Variants in CNGB1 observed in about 807,000 individuals in gnomAD.
CNGB1 encodes the protein cyclic nucleotide-gated channel beta-1.
CNGB1 carries 126 observed loss-of-function variants against 151.7 expected under a neutral mutation model. That is an observed-to-expected ratio of 0.83 (90% confidence interval 0.72 to 0.96). CNGB1 has a LOEUF of 0.96. Among genes scored for constraint, CNGB1 ranks in the 40% least tolerant of loss-of-function variants. The pLI is 0.00. For missense variants in CNGB1, 1,698 were observed against 1,627.0 expected (o/e 1.04, Z -0.75); for synonymous variants, 623 against 635.1 (o/e 0.98, Z 0.29).
intron 4 of CNGB1, 72 bp downstream of exon 4, chr16:57,964,058 C>A: frequency 6.8e-7 from 1 of 1,462,176 alleles, no homozygotes; most frequent in Non-Finnish European, 9.5e-7. Context: ...ACCCCCATCC[C>A]CAGGGCTCCC....
chr16:57,967,328 G>A (rs977848916), intron 1 of CNGB1, 34 bp from the exon 2 acceptor site: 5 of 1,610,662 alleles, frequency 3.1e-6, no homozygotes, highest in Non-Finnish European at 4.2e-6. Context: ...CCTCCCTGGA[G>A]CACTCACAGT....
At position 57,915,267 on chromosome 16, in the gene CNGB1, G is replaced by T; in HGVS notation, c.2286C>A (p.Arg762=). ...GTCCTACCTTTAAACAGCGGGGCAG[G>T]CGGAGGAGGGGGTTCACACCGACTT... ...YLKVGVNPLL[R]LPRCLKYMAF... The change falls in exon 23 of 33, where the codon CGC becomes CGA. Residue 762 remains arginine (R), a synonymous_variant. Transcript: ENST00000251102. 2 of 1,613,950 alleles carry T rather than the reference G, an allele frequency of 1.2e-6. No homozygotes were observed. The highest frequency in any genetic ancestry group is 2.7e-5 in the African/African-American group (2 of 75,038).
chr16:57,899,756 A>C (rs1340922514), intron 29 of CNGB1, among the ~76,000 whole-genome samples: 1 of 152,230 alleles, frequency 6.6e-6, no homozygotes, highest in Non-Finnish European at 1.5e-5. Context: ...TCACACATGC[A>C]TGACCCCCTT....
intron 31 of CNGB1, among the ~76,000 whole-genome samples, chr16:57,888,389 G>A (rs1567361426): frequency 6.6e-6 from 1 of 151,304 alleles, no homozygotes; most frequent in African/African-American, 2.4e-5. Context: ...CTTCCTTTCT[G>A]TCTCTCTCTC....
At chr16:57,907,569 A>G (rs1960588667) in intron 25 of CNGB1, among the ~76,000 whole-genome samples, 1 of 152,242 alleles carries the variant, frequency 6.6e-6, no homozygotes, top group African/African-American at 2.4e-5. Context: ...ATCTGGATGT[A>G]AGTTACCCAC....
intron 12 of CNGB1, chr16:57,955,116 T>A (rs1399065681): frequency 1.9e-5 from 27 of 1,424,142 alleles, no homozygotes; most frequent in Non-Finnish European, 2.5e-5. Flanking sequence ...AGGCTGCCCA[T>A]GGCTGGCCTT....
rs1167908662 is a variant in CNGB1 at position 57,882,770 on chromosome 16, T to C, written c.*1394A>G. 2.6e-5 allele frequency: 4 copies of C among 151,654 alleles called. No homozygotes were observed. The allele number at this position is 151,654 out of a possible 1,614,324, so 9.4% of individuals were successfully genotyped here. A position where few individuals can be genotyped will look rare whatever the true frequency, so the allele number is the denominator to read the frequency against. On this transcript the variant is annotated 3_prime_UTR_variant, in exon 33 of 33. Coordinates refer to ENST00000251102, the MANE Select transcript of CNGB1 (RefSeq NM_001297.5). ...TCTTGATAAATATTCATTCCCTGAATGACCCTTTTTTCTTTTTTTTTCTTT... is the reference window on the plus strand; with the variant it reads ...TCTTGATAAATATTCATTCCCTGAACGACCCTTTTTTCTTTTTTTTTCTTT...
intron 25 of CNGB1, among the ~76,000 whole-genome samples, chr16:57,909,695 GT>G (rs1215232252): frequency 6.6e-6 from 1 of 152,168 alleles, no homozygotes; most frequent in Non-Finnish European, 1.5e-5. Flanking sequence ...GGCTAAAAAA[GT>G]TTTTTTAAAT....
At chr16:57,913,092 C>G (rs1960776980) in intron 23 of CNGB1, 98 bp from the exon 24 acceptor site, 1 of 1,120,986 alleles carries the variant, frequency 8.9e-7, no homozygotes, top group Non-Finnish European at 1.4e-6. Flanking sequence ...TTCCTGCAGC[C>G]CCCAGGAGGG....
chr16:57,938,114 T>C (rs1241121979), intron 16 of CNGB1, among the ~76,000 whole-genome samples: 1 of 152,204 alleles, frequency 6.6e-6, no homozygotes, highest in Non-Finnish European at 1.5e-5. Context: ...AGGTCCATAC[T>C]TTTGAGTGCA....
At chr16:57,931,978 G>C in intron 16 of CNGB1, 100 bp from the exon 17 acceptor site, 2 of 1,316,990 alleles carry the variant, frequency 1.5e-6, no homozygotes, top group Admixed American at 3.8e-5. Context: ...AGCATGTTTG[G>C]AGGGGACTCT....
At chr16:57,950,934 G>A (rs1597006029) in intron 12 of CNGB1, among the ~76,000 whole-genome samples, 1 of 152,228 alleles carries the variant, frequency 6.6e-6, no homozygotes, top group African/African-American at 2.4e-5. Flanking sequence ...CCAGGTGCAG[G>A]TGGACTGGAT....
chr16:57,900,145 G>A (rs1307389622), intron 29 of CNGB1, among the ~76,000 whole-genome samples: 1 of 152,214 alleles, frequency 6.6e-6, no homozygotes, highest in African/African-American at 2.4e-5. Flanking sequence ...AGATGAGCAG[G>A]ACTCAGAGAG....
chr16:57,969,157 T>G (rs573075918), intron 1 of CNGB1, among the ~76,000 whole-genome samples: 3 of 149,024 alleles, frequency 2.0e-5, no homozygotes, highest in African/African-American at 7.5e-5. Flanking sequence ...AATACAAAAA[T>G]TAGCTGGGTG....
Position 57,915,305 on chromosome 16 carries a change from A to C in CNGB1, c.2248T>G (p.Phe750Val). ...MDLLSLLPLD[F>V]LYLKVGVNPL... ...TTCACACCGACTTTCAAATAGAGAA[A>C]ATCCAAGGGCAGGAGGCTGAGCAGG... Residue 750 changes from phenylalanine (F) to valine (V), a missense_variant, in exon 23 of 33, where the codon TTT (phenylalanine) becomes GTT (valine). Physicochemically the swap from Phe to Val is conservative, Grantham distance 50 (BLOSUM62 -1). Coordinates refer to ENST00000251102, the MANE Select transcript of CNGB1 (RefSeq NM_001297.5). 6.2e-7 allele frequency: 1 copy of C among 1,614,074 alleles called. No individual in the cohort carries two copies. Among genetic ancestry groups the C allele is most frequent in the Non-Finnish European group, 8.5e-7 (1 of 1,179,988 alleles).
intron 1 of CNGB1, among the ~76,000 whole-genome samples, chr16:57,968,082 GAAGTC>G (rs1962445254): frequency 6.6e-6 from 1 of 152,228 alleles, no homozygotes; most frequent in Non-Finnish European, 1.5e-5. Context: ...TGCCTGCTCT[GAAGTC>G]AAGTCATGAG....
At chr16:57,942,322 A>T (rs1291817042) in intron 14 of CNGB1, among the ~76,000 whole-genome samples, 1 of 151,952 alleles carries the variant, frequency 6.6e-6, no homozygotes. Context: ...CTTATATATA[A>T]AAAAAAACCC....
intron 27 of CNGB1, among the ~76,000 whole-genome samples, chr16:57,902,919 C>T (rs1960429468): frequency 6.6e-6 from 1 of 152,176 alleles, no homozygotes; most frequent in Non-Finnish European, 1.5e-5. Context: ...ATCCCCTAAG[C>T]AACCCAAGAG....
At chr16:57,952,493 C>CT (rs10598722) in intron 12 of CNGB1, among the ~76,000 whole-genome samples, 25,677 of 62,152 alleles carry the variant, frequency 0.41, 9,881 homozygotes, top group Non-Finnish European at 0.53. Context: ...CAAGCATTTC[C>CT]TTTTTTTTTT....
Sources: allele counts gnomAD v4.1 joint callset (sites outside exome capture counted in the v4.1 genomes callset), GRCh38; gene constraint gnomAD v4.1.1; transcripts MANE v1.5; gene names NCBI Gene and HGNC (gene_info 2026-07-23, HGNC 2026-07-21).